SDK1: variants seen among roughly 807,000 people sequenced by gnomAD.
SDK1 encodes the protein protein sidekick-1.
A neutral mutation model predicts 245.5 loss-of-function variants in SDK1; 157 were observed. The ratio of observed to expected loss-of-function variants is 0.64; its 90% CI spans 0.56 to 0.73. The LOEUF (loss-of-function observed/expected upper bound fraction) is 0.73, where lower values mean the gene tolerates loss of function less well. Ranked by LOEUF, SDK1 falls within the 30% of genes least tolerant of loss-of-function variation. SDK1 has a pLI of 0.00. For missense variants in SDK1, 3,583 were observed against 3,002.3 expected, an observed-to-expected ratio of 1.19 and a Z score of -4.52; for synonymous variants, 1,647 against 1,278.5, an observed-to-expected ratio of 1.29 and a Z score of -6.15.
At chr7:3,854,994 C>T (rs1188693838) in intron 5 of SDK1, among the ~76,000 whole-genome samples, 1 of 152,124 alleles carries the variant, frequency 6.6e-6, no homozygotes, top group Non-Finnish European at 1.5e-5. Flanking sequence ...CTACAGTGTC[C>T]TCCAGACCCT....
chr7:3,319,646 G>A (rs1468211367), intron 1 of SDK1, among the ~76,000 whole-genome samples: 1 of 151,902 alleles, frequency 6.6e-6, no homozygotes, highest in Non-Finnish European at 1.5e-5. Context: ...GATGAAGGAG[G>A]GTCTGCTCTC....
intron 1 of SDK1, among the ~76,000 whole-genome samples, chr7:3,354,276 C>T (rs758981713): frequency 3.3e-5 from 5 of 151,594 alleles, no homozygotes; most frequent in African/African-American, 7.3e-5. Context: ...GGGATTACAG[C>T]GCCTGGCCTG....
intron 1 of SDK1, among the ~76,000 whole-genome samples, chr7:3,361,224 T>C (rs558568308): frequency 6.6e-6 from 1 of 152,326 alleles, no homozygotes. Context: ...AACGGGAGGA[T>C]TGCACTCGCA....
At chr7:3,390,650 G>A (rs1017900553) in intron 1 of SDK1, among the ~76,000 whole-genome samples, 2 of 152,168 alleles carry the variant, frequency 1.3e-5, no homozygotes, top group African/African-American at 4.8e-5. Context: ...CATAGGGAGA[G>A]TGCCATGTGC....
chr7:3,920,187 G>A (rs1040983898), intron 5 of SDK1, among the ~76,000 whole-genome samples: 3 of 152,206 alleles, frequency 2.0e-5, no homozygotes, highest in Non-Finnish European at 4.4e-5. Context: ...GGAAGATCAC[G>A]CTGTGCATCC....
At chr7:4,230,277 G>A (rs1785670658) in intron 40 of SDK1, among the ~76,000 whole-genome samples, 2 of 151,872 alleles carry the variant, frequency 1.3e-5, no homozygotes, top group South Asian at 2.1e-4. Flanking sequence ...ATGAATGGAT[G>A]AATGGATGGG....
chr7:3,473,758 A>C (rs894957676), intron 1 of SDK1, among the ~76,000 whole-genome samples: 2 of 151,970 alleles, frequency 1.3e-5, no homozygotes, highest in Non-Finnish European at 2.9e-5. Flanking sequence ...CCTGGCTCCC[A>C]CAGTAGGTTA....
chr7:4,244,115 C>T (rs73301695), intron 43 of SDK1, among the ~76,000 whole-genome samples: 154 of 152,240 alleles, frequency 1.0e-3, no homozygotes, highest in Admixed American at 1.6e-3. Flanking sequence ...ACAACACCCA[C>T]GACACAAAAC....
At chr7:4,155,339 T>C (rs1780660253) in intron 30 of SDK1, among the ~76,000 whole-genome samples, 1 of 152,162 alleles carries the variant, frequency 6.6e-6, no homozygotes, top group Admixed American at 6.5e-5. Flanking sequence ...AGAACCCTGC[T>C]CTCTGTCCTC....
In SDK1 at chr7:3,608,410, A is replaced by T. The variant is rs544451804; in HGVS notation, c.299-10670A>T. 3.3e-5 allele frequency among the ~76,000 whole-genome samples: 5 copies of T among 152,236 alleles called. No individual in the cohort carries two copies. In the East Asian group the frequency reaches 9.7e-4, roughly 29 times the overall value. On this transcript the variant is annotated intron_variant, in intron 1 of 44. Coordinates refer to ENST00000404826, the MANE Select transcript of SDK1 (RefSeq NM_152744.4). ...TGACAGAAAAACTATGGTAATTTAG[A>T]CTTGGGTATTTTGCAGGATTTTCTT...
intron 4 of SDK1, among the ~76,000 whole-genome samples, chr7:3,661,559 T>C (rs1223844800): frequency 2.0e-5 from 3 of 152,220 alleles, no homozygotes; most frequent in East Asian, 1.9e-4. Flanking sequence ...AAATAAGGAA[T>C]TGTGGCTATC....
At chr7:4,136,774 C>T (rs976802300) in intron 28 of SDK1, among the ~76,000 whole-genome samples, 1 of 152,242 alleles carries the variant, frequency 6.6e-6, no homozygotes, top group Non-Finnish European at 1.5e-5. Context: ...GAGGGCCTAA[C>T]ATTTACCTTT....
At chr7:4,221,101 G>A in intron 39 of SDK1, 138 bp from the exon 40 acceptor site, 1 of 986,818 alleles carries the variant, frequency 1.0e-6, no homozygotes, top group South Asian at 1.7e-5. Context: ...GAAAAACCCT[G>A]GGTGCGTGAG....
chr7:3,914,424 A>T (rs1036138519), intron 5 of SDK1, among the ~76,000 whole-genome samples: 4 of 152,246 alleles, frequency 2.6e-5, no homozygotes, highest in Non-Finnish European at 5.9e-5. Context: ...AACTGCATTG[A>T]AATCACAGCG....
intron 4 of SDK1, among the ~76,000 whole-genome samples, chr7:3,780,456 T>C (rs1780697163): frequency 6.6e-6 from 1 of 152,210 alleles, no homozygotes; most frequent in Non-Finnish European, 1.5e-5. Context: ...TCTGTGTTTC[T>C]GGCAGCTGTG....
At chr7:4,192,526 C>T (rs1356216495) in intron 35 of SDK1, among the ~76,000 whole-genome samples, 2 of 152,170 alleles carry the variant, frequency 1.3e-5, no homozygotes, top group African/African-American at 2.4e-5. Flanking sequence ...CCACCCGCCT[C>T]GGCCTCCTGA....
chr7:3,503,878 A>G (rs992945345), intron 1 of SDK1, among the ~76,000 whole-genome samples: 8 of 152,042 alleles, frequency 5.3e-5, no homozygotes, highest in South Asian at 4.2e-4. Context: ...AAGGCAAGGC[A>G]TGGTGGCTCA....
intron 1 of SDK1, among the ~76,000 whole-genome samples, 156 bp from the exon 2 acceptor site, chr7:3,618,924 G>C (rs544640633): frequency 1.3e-5 from 2 of 152,106 alleles, no homozygotes; most frequent in African/African-American, 2.4e-5. Context: ...ATGTTTCCAG[G>C]GTTTGGTAAA....
chr7:4,151,442 T>C (rs1780375568), intron 30 of SDK1, among the ~76,000 whole-genome samples: 1 of 152,180 alleles, frequency 6.6e-6, no homozygotes, highest in Admixed American at 6.5e-5. Flanking sequence ...TCTGGTGAGG[T>C]CCGTATGCTG....
Sources: allele counts gnomAD v4.1 joint callset (sites outside exome capture counted in the v4.1 genomes callset), GRCh38; gene constraint gnomAD v4.1.1; transcripts MANE v1.5; gene names NCBI Gene and HGNC (gene_info 2026-07-23, HGNC 2026-07-21).